RALGPS1: variants seen among roughly 807,000 people sequenced by gnomAD.
RALGPS1 encodes Ral GEF with PH domain and SH3 binding motif 1.
In RALGPS1, 19 loss-of-function variants were observed where a neutral mutation model predicts 78.8. That is an observed-to-expected ratio of 0.24 (90% CI 0.17 to 0.35). RALGPS1 has a LOEUF of 0.35. RALGPS1 is among the 10% of genes least tolerant of loss of function. The pLI is 1.00. For synonymous variants in RALGPS1, 228 were observed against 256.3 expected (o/e 0.89, Z 1.06); for missense variants, 454 against 688.3 (o/e 0.66, Z 3.81).
At chr9:127,105,685 C>T (rs1044633544) in intron 8 of RALGPS1, among the ~76,000 whole-genome samples, 6 of 152,140 alleles carry the variant, frequency 3.9e-5, no homozygotes, top group Admixed American at 1.3e-4. Context: ...ATTTTGGCCT[C>T]GACGGATACT....
intron 3 of RALGPS1, among the ~76,000 whole-genome samples, chr9:126,968,203 A>G (rs1264431642): frequency 6.6e-6 from 1 of 151,994 alleles, no homozygotes; most frequent in East Asian, 1.9e-4. Flanking sequence ...GGGTTTCACC[A>G]TGTTGGCCAG....
At chr9:126,926,136 A>T (rs898089753) in intron 1 of RALGPS1, among the ~76,000 whole-genome samples, 1 of 152,166 alleles carries the variant, frequency 6.6e-6, no homozygotes, top group Non-Finnish European at 1.5e-5. Flanking sequence ...AGTTGGCCTT[A>T]TTTTTATTGC....
chr9:127,171,756 C>A (rs1014289633), intron 10 of RALGPS1, among the ~76,000 whole-genome samples: 3 of 151,404 alleles, frequency 2.0e-5, no homozygotes, highest in Non-Finnish European at 4.4e-5. Context: ...GACTCCATCT[C>A]AAAAAAAATA....
intron 1 of RALGPS1, among the ~76,000 whole-genome samples, chr9:126,952,628 TGAGAGAGA>T (rs34773282): frequency 4.0e-4 from 55 of 139,004 alleles, no homozygotes; most frequent in Admixed American, 7.9e-4. Context: ...TGGCTGTGGC[TGAGAGAGA>T]GAGAGAGAGA....
intron 8 of RALGPS1, among the ~76,000 whole-genome samples, chr9:127,139,692 G>A (rs1011346841): frequency 6.6e-6 from 1 of 152,224 alleles, no homozygotes; most frequent in East Asian, 1.9e-4. Context: ...TCAGGCGTGT[G>A]GTGTGGGTGG....
intron 8 of RALGPS1, among the ~76,000 whole-genome samples, chr9:127,083,168 G>T (rs1195579581): frequency 6.6e-6 from 1 of 152,208 alleles, no homozygotes; most frequent in East Asian, 1.9e-4. Context: ...CCCAGCCTGT[G>T]ACCCCTCCTT....
chr9:127,084,241 C>G (rs1243885499), intron 8 of RALGPS1, among the ~76,000 whole-genome samples: 1 of 152,142 alleles, frequency 6.6e-6, no homozygotes, highest in African/African-American at 2.4e-5. Context: ...TCCACTTCTT[C>G]GCTGGATCCC....
intron 10 of RALGPS1, among the ~76,000 whole-genome samples, chr9:127,173,192 C>T (rs2059653561): frequency 1.3e-5 from 2 of 152,204 alleles, no homozygotes; most frequent in Admixed American, 6.5e-5. Flanking sequence ...TCCTTCACCT[C>T]GTTGGGGAGC....
intron 8 of RALGPS1, among the ~76,000 whole-genome samples, chr9:127,109,252 G>A (rs1169868409): frequency 6.6e-6 from 1 of 152,274 alleles, no homozygotes; most frequent in South Asian, 2.1e-4. Flanking sequence ...ACCCATCACC[G>A]CTGTGCTGAA....
intron 8 of RALGPS1, chr9:127,088,137 G>C (rs1433020774): frequency 2.0e-5 from 3 of 152,540 alleles, no homozygotes; most frequent in African/African-American, 7.2e-5. Context: ...TTGAACTGCA[G>C]TGAGTGGCCA....
chr9:127,136,673 C>T (rs1029915633), intron 8 of RALGPS1, among the ~76,000 whole-genome samples: 1 of 152,174 alleles, frequency 6.6e-6, no homozygotes, highest in African/African-American at 2.4e-5. Context: ...AGAGGCATTC[C>T]ACACTTGCAA....
intron 4 of RALGPS1, chr9:126,989,824 A>G: frequency 6.5e-7 from 1 of 1,532,036 alleles, no homozygotes; most frequent in Non-Finnish European, 8.8e-7. Context: ...CCCTTCCTGC[A>G]TCAGGCTGGA....
intron 8 of RALGPS1, among the ~76,000 whole-genome samples, chr9:127,112,694 A>G (rs900774623): frequency 2.6e-5 from 4 of 152,270 alleles, no homozygotes; most frequent in African/African-American, 9.6e-5. Context: ...GGTGAGCAGC[A>G]TGGAAGTGCA....
chr9:127,109,453 C>T (rs1004711182), intron 8 of RALGPS1, among the ~76,000 whole-genome samples: 1 of 152,218 alleles, frequency 6.6e-6, no homozygotes, highest in African/African-American at 2.4e-5. Context: ...TGTCCAGTTA[C>T]GTGGCTCTGG....
intron 11 of RALGPS1, among the ~76,000 whole-genome samples, chr9:127,185,751 C>T (rs115178204): frequency 4.1e-3 from 621 of 152,286 alleles, no homozygotes; most frequent in African/African-American, 0.014. Flanking sequence ...TACCTGGCTA[C>T]TTCTCTCTCC....
intron 8 of RALGPS1, among the ~76,000 whole-genome samples, chr9:127,147,206 C>T (rs1451646328): frequency 6.6e-6 from 1 of 152,066 alleles, no homozygotes; most frequent in Admixed American, 6.5e-5. Flanking sequence ...ATGTCTTTTG[C>T]CCATTTTTTA....
chr9:127,061,416 A>G (rs2049203144), intron 7 of RALGPS1, among the ~76,000 whole-genome samples: 1 of 152,254 alleles, frequency 6.6e-6, no homozygotes, highest in Non-Finnish European at 1.5e-5. Context: ...GAGCTGAAGT[A>G]TCTGGAAAAG....
chr9:127,170,560 C>T (rs558779346), intron 10 of RALGPS1, among the ~76,000 whole-genome samples: 1 of 152,290 alleles, frequency 6.6e-6, no homozygotes, highest in East Asian at 1.9e-4. Context: ...ATTGGCTCTT[C>T]CTGAAAAGAG....
chr9:127,099,635 C>T (rs1030940612), intron 8 of RALGPS1, among the ~76,000 whole-genome samples: 5 of 152,128 alleles, frequency 3.3e-5, no homozygotes, highest in South Asian at 2.1e-4. Context: ...TGGGGGTCTT[C>T]GAATCTCATT....
Sources: allele counts gnomAD v4.1 joint callset (sites outside exome capture counted in the v4.1 genomes callset), GRCh38; gene constraint gnomAD v4.1.1; transcripts MANE v1.5; gene names NCBI Gene and HGNC (gene_info 2026-07-23, HGNC 2026-07-21).